Variants in NNMT observed in about 807,000 individuals in gnomAD.
NNMT encodes the protein nicotinamide N-methyltransferase.
NNMT carries 10 observed loss-of-function variants against 11.7 expected under a neutral mutation model. The observed-to-expected ratio is 0.85, with a 90% confidence interval of 0.53 to 1.45. NNMT has a LOEUF of 1.45. NNMT is among the 40% of genes most tolerant of loss of function. The probability of loss-of-function intolerance (pLI) is 0.00; values close to 1 mark genes in which losing one functional copy is unlikely to be tolerated. For synonymous variants in NNMT, 143 were observed against 133.8 expected, an observed-to-expected ratio of 1.07 and a Z score of -0.48; for missense variants, 381 against 319.4, an observed-to-expected ratio of 1.19 and a Z score of -1.47.
chr11:114,306,813 A>T (rs1157241937), intron 2 of NNMT, among the ~76,000 whole-genome samples: 1 of 150,182 alleles, frequency 6.7e-6, no homozygotes, highest in Non-Finnish European at 1.5e-5. Flanking sequence ...ACCTGACAGA[A>T]GAAAGCTTAG....
In NNMT at chr11:114,312,149, C is replaced by G; in HGVS notation, c.467C>G (p.Pro156Arg). 1 of 1,614,170 alleles carries G rather than the reference C, an allele frequency of 6.2e-7. No individual in the cohort carries two copies. Among genetic ancestry groups the G allele is most frequent in the Middle Eastern group, 1.6e-4 (1 of 6,062 alleles). Residue 156 changes from proline to arginine, a missense_variant, in exon 3 of 3, where the codon CCG becomes CGG. Transcript: ENST00000299964. ...SQPLGAVPLP[P>R]ADCVLSTLCL... The stretch of plus-strand genomic sequence containing the variant: ...CCACTGGGGGCCGTCCCCTTACCCC[C>G]GGCTGACTGCGTGCTCAGCACACTG...
chr11:114,308,999 TG>T (rs1412444352), intron 2 of NNMT, among the ~76,000 whole-genome samples: 1 of 152,190 alleles, frequency 6.6e-6, no homozygotes, highest in Non-Finnish European at 1.5e-5. Flanking sequence ...GTAACTCAAG[TG>T]TTTCAAATAG....
intron 2 of NNMT, among the ~76,000 whole-genome samples, chr11:114,304,386 C>A (rs970798533): frequency 6.6e-5 from 10 of 152,214 alleles, no homozygotes; most frequent in African/African-American, 1.9e-4. Context: ...CTTGGAACAA[C>A]TAGCTCTTGA....
chr11:114,261,368 A>G (rs1945079220), intron 1 of NNMT, among the ~76,000 whole-genome samples: 1 of 152,118 alleles, frequency 6.6e-6, no homozygotes, highest in African/African-American at 2.4e-5. Flanking sequence ...GATCACCTGA[A>G]GTCGGGAGTT....
chr11:114,296,221 A>G (rs1945375763), upstream of NNMT: 1 of 205,728 alleles, frequency 4.9e-6, no homozygotes, highest in Admixed American at 5.4e-5. Context: ...GACGAGCTCA[A>G]GTGCTCCCTC....
At chr11:114,267,842 A>G (rs1211349929) in intron 2 of NNMT, among the ~76,000 whole-genome samples, 2 of 152,230 alleles carry the variant, frequency 1.3e-5, no homozygotes, top group Non-Finnish European at 2.9e-5. Flanking sequence ...TCTTTCCAAA[A>G]TTAGGAATGG....
At chr11:114,261,197 G>A (rs1170681509) in intron 1 of NNMT, among the ~76,000 whole-genome samples, 2 of 152,170 alleles carry the variant, frequency 1.3e-5, no homozygotes, top group Non-Finnish European at 2.9e-5. Flanking sequence ...CGGCATCTCC[G>A]GGACTCTGTC....
At chr11:114,297,559 C>T (rs1432158538) in intron 1 of NNMT, among the ~76,000 whole-genome samples, 4 of 148,808 alleles carry the variant, frequency 2.7e-5, no homozygotes, top group African/African-American at 9.9e-5. Flanking sequence ...GATCACAGCT[C>T]ATCATAGTCT....
chr11:114,267,752 G>A (rs544647428), intron 2 of NNMT, among the ~76,000 whole-genome samples: 23 of 152,054 alleles, frequency 1.5e-4, no homozygotes, highest in South Asian at 4.2e-4. Flanking sequence ...CCCAGACATC[G>A]TGTTGTTTCA....
chr11:114,291,490 C>T (rs566571815), upstream of NNMT, among the ~76,000 whole-genome samples: 4 of 152,214 alleles, frequency 2.6e-5, no homozygotes, highest in East Asian at 7.7e-4. Context: ...CTTACCATGT[C>T]CTGTTTTTTT....
rs530912804 is a variant in NNMT at position 114,308,411 on chromosome 11, G to T, written c.363-3634G>T. Among the ~76,000 whole-genome samples the T allele has an allele frequency of 9.9e-5, 15 of 152,274 alleles. No homozygotes were observed. The South Asian group carries it at 3.1e-3, about 32-fold the overall frequency. ...GCACTGCCAGCCTTGCTGAGACAGG[G>T]CAGGAGGAACCGCCTCTAAATCTCA... On this transcript the variant is annotated intron_variant, in intron 2 of 2. Transcript: ENST00000299964.
intron 1 of NNMT, among the ~76,000 whole-genome samples, chr11:114,297,638 A>C (rs1490437942): frequency 1.3e-5 from 2 of 152,024 alleles, no homozygotes; most frequent in African/African-American, 4.8e-5. Context: ...GGCACACGCC[A>C]CCATGCCTAG....
chr11:114,294,216 C>T (rs963563450), upstream of NNMT, among the ~76,000 whole-genome samples: 3 of 152,118 alleles, frequency 2.0e-5, no homozygotes, highest in East Asian at 1.9e-4. Context: ...GGCGCAGTGG[C>T]TCACGCCTGT....
chr11:114,261,985 C>T (rs1014781873), intron 1 of NNMT, among the ~76,000 whole-genome samples: 24 of 152,016 alleles, frequency 1.6e-4, no homozygotes, highest in African/African-American at 5.8e-4. Flanking sequence ...GCAGGCAGGC[C>T]TCGAAGGGTT....
At position 114,259,347 on chromosome 11, in the gene NNMT, T is replaced by TGGG. The variant is rs762411732; in HGVS notation, c.-217+1478_-217+1480dup. On this transcript the variant is annotated intron_variant, in intron 1 of 4. Transcript: ENST00000535401. Reference sequence around the variant, plus strand: ...CGTGTACACACACGCAGAGGCCCAGTGGGGGGGGGGGAGCTCCTGCATCCC... The same window carrying TGGG: ...CGTGTACACACACGCAGAGGCCCAGTGGGGGGGGGGGGGGAGCTCCTGCATCCC... 9.6e-4 allele frequency among the ~76,000 whole-genome samples: 110 copies of TGGG among 115,168 alleles called. 3 individuals carry two copies. The highest frequency in any genetic ancestry group is 3.9e-3 in the African/African-American group (102 of 26,108). 75.6% of individuals were successfully genotyped at this position (115,168 alleles called of 152,430 possible).
At chr11:114,268,628 G>T (rs773164399) in intron 2 of NNMT, among the ~76,000 whole-genome samples, 5 of 152,122 alleles carry the variant, frequency 3.3e-5, no homozygotes, top group Non-Finnish European at 7.4e-5. Flanking sequence ...AATTAGCTGG[G>T]CGTGGTGGCA....
chr11:114,304,266 T>C (rs1419360765), intron 2 of NNMT, among the ~76,000 whole-genome samples: 1 of 152,222 alleles, frequency 6.6e-6, no homozygotes, highest in Admixed American at 6.5e-5. Context: ...TTTGAAACTT[T>C]GTTCTCACTT....
intron 2 of NNMT, among the ~76,000 whole-genome samples, chr11:114,286,860 C>T (rs890426722): frequency 1.3e-5 from 2 of 152,152 alleles, no homozygotes; most frequent in Non-Finnish European, 2.9e-5. Flanking sequence ...TTTTCCATAA[C>T]GCTGCACCAA....
chr11:114,284,929 C>T (rs115067952), intron 2 of NNMT, among the ~76,000 whole-genome samples: 1,708 of 151,918 alleles, frequency 0.011, 29 homozygotes, highest in African/African-American at 0.039. Context: ...ACCACCATGA[C>T]GGGCTAATTT....
Sources: allele counts gnomAD v4.1 joint callset (sites outside exome capture counted in the v4.1 genomes callset), GRCh38; gene constraint gnomAD v4.1.1; transcripts MANE v1.5; gene names NCBI Gene and HGNC (gene_info 2026-07-23, HGNC 2026-07-21).